Variants in LRCH1 observed in about 807,000 individuals in gnomAD.
The protein encoded by LRCH1 is leucine-rich repeat and calponin homology domain-containing protein 1.
Under a neutral mutation model 94.9 loss-of-function variants are expected in LRCH1, and 23 were observed. The ratio of observed to expected loss-of-function variants is 0.24; its 90% CI spans 0.17 to 0.34. The LOEUF (loss-of-function observed/expected upper bound fraction) is 0.34, where lower values mean the gene tolerates loss of function less well. Ranked by LOEUF, LRCH1 falls within the 10% of genes least tolerant of loss-of-function variation. The probability of loss-of-function intolerance (pLI) is 1.00; values close to 1 mark genes in which losing one functional copy is unlikely to be tolerated. For missense variants in LRCH1, 790 were observed against 945.9 expected (o/e 0.84, Z 2.16); for synonymous variants, 364 against 354.9 (o/e 1.03, Z -0.29).
chr13:46,692,457 T>C (rs1298806811), intron 7 of LRCH1, 79 bp from the exon 8 acceptor site: 3 of 988,476 alleles, frequency 3.0e-6, no homozygotes, highest in Non-Finnish European at 4.7e-6. Flanking sequence ...TCACAGGATG[T>C]TGTTTTATTA....
At position 46,712,568 on chromosome 13, in the gene LRCH1, C is replaced by G. The variant is rs1346011620; in HGVS notation, c.1625C>G (p.Thr542Arg). ...SPAVSPTTNSTAPFGLKPRSD... is the reference protein window; with the variant it reads ...SPAVSPTTNSRAPFGLKPRSD... ...GCAGTCTCTCCTACCACAAACAGCA[C>G]AGCTCCATTTGGCCTGAAGCCTCGA... The change falls in exon 15 of 20, where the codon ACA (threonine) becomes AGA (arginine). Residue 542 changes from threonine (T) to arginine (R), a missense_variant. Physicochemically the swap from Thr to Arg is moderately conservative, Grantham distance 71. Around this residue, in one of 3 missense-constraint regions of LRCH1, gnomAD observed 460 missense variants for 508.9 expected, o/e 0.90. Coordinates refer to ENST00000389797, the MANE Select transcript of LRCH1 (RefSeq NM_001164211.2). 1 of 1,613,880 alleles carries G rather than the reference C, an allele frequency of 6.2e-7. No individual in the cohort carries two copies. Among genetic ancestry groups the G allele is most frequent in the African/African-American group, 1.3e-5 (1 of 74,910 alleles).
intron 9 of LRCH1, among the ~76,000 whole-genome samples, chr13:46,698,122 A>C (rs1871288004): frequency 6.6e-6 from 1 of 152,212 alleles, no homozygotes; most frequent in Admixed American, 6.5e-5. Context: ...AAAAAGTCCA[A>C]GTGTGTTCCC....
At chr13:46,661,571 C>T (rs1566207558) in intron 2 of LRCH1, among the ~76,000 whole-genome samples, 1 of 152,068 alleles carries the variant, frequency 6.6e-6, no homozygotes. Context: ...AAACTTTACT[C>T]TGTGTAAAAA....
chr13:46,685,847 T>G, intron 4 of LRCH1, 58 bp from the exon 5 acceptor site: 1 of 1,248,468 alleles, frequency 8.0e-7, no homozygotes, highest in Middle Eastern at 2.1e-4. Context: ...ATTAGCCATT[T>G]AATCTTATTG....
At chr13:46,653,808 C>G (rs2051337501) in intron 2 of LRCH1, among the ~76,000 whole-genome samples, 1 of 152,040 alleles carries the variant, frequency 6.6e-6, no homozygotes, top group African/African-American at 2.4e-5. Context: ...GGCAACGGAA[C>G]AAGACCCTGT....
At chr13:46,728,306 C>T (rs546737654) in intron 17 of LRCH1, among the ~76,000 whole-genome samples, 1 of 152,136 alleles carries the variant, frequency 6.6e-6, no homozygotes, top group South Asian at 2.1e-4. Flanking sequence ...ACCTCCGCCT[C>T]CTGGGTTCAA....
chr13:46,645,970 T>C (rs1411371606), intron 1 of LRCH1, among the ~76,000 whole-genome samples: 1 of 152,184 alleles, frequency 6.6e-6, no homozygotes, highest in Non-Finnish European at 1.5e-5. Flanking sequence ...CAGTGGAACT[T>C]TCTTTGAGTT....
rs758930953 is a variant in LRCH1 at position 46,681,816 on chromosome 13, A to G, written c.655A>G (p.Arg219Gly). The change falls in exon 4 of 20, where the codon AGA becomes GGA. Residue 219 changes from arginine (R) to glycine (G), a missense_variant. Physicochemically the swap from Arg to Gly is moderately radical, Grantham distance 125. Coordinates refer to ENST00000389797, the MANE Select transcript of LRCH1 (RefSeq NM_001164211.2). Reference sequence around the variant, plus strand: ...GAAATCTCTACGAGAACTGAATGTCAGAAGAAATTACCTTAAAGTTTTACC... The same window carrying G: ...GAAATCTCTACGAGAACTGAATGTCGGAAGAAATTACCTTAAAGTTTTACC... The part of the protein sequence containing the change: ...QLKSLRELNV[R>G]RNYLKVLPQE... 1 of 1,612,964 alleles carries G rather than the reference A, an allele frequency of 6.2e-7. No homozygotes were observed. The highest frequency in any genetic ancestry group is 1.1e-5 in the South Asian group (1 of 91,048).
At chr13:46,570,475 T>C (rs2050229963) in intron 1 of LRCH1, among the ~76,000 whole-genome samples, 1 of 152,186 alleles carries the variant, frequency 6.6e-6, no homozygotes, top group South Asian at 2.1e-4. Context: ...GTCACAGCGC[T>C]GATTAGTGGA....
intron 1 of LRCH1, among the ~76,000 whole-genome samples, chr13:46,601,769 GT>G (rs1343947406): frequency 1.3e-5 from 2 of 152,178 alleles, no homozygotes; most frequent in Non-Finnish European, 1.5e-5. Context: ...GGACCAGGCT[GT>G]TTTTCGTAGG....
At chr13:46,692,930 T>C (rs890962554) in intron 8 of LRCH1, among the ~76,000 whole-genome samples, 1 of 152,046 alleles carries the variant, frequency 6.6e-6, no homozygotes. Flanking sequence ...CGGTACATAG[T>C]AGAACTAATC....
chr13:46,705,545 A>ATT (rs3832915), intron 13 of LRCH1: 66 of 627,470 alleles, frequency 1.1e-4, no homozygotes, highest in South Asian at 4.4e-4. Flanking sequence ...GATTCTGTAG[A>ATT]TTTTTTTACC....
intron 2 of LRCH1, among the ~76,000 whole-genome samples, chr13:46,659,736 AC>A (rs1403648521): frequency 8.5e-5 from 13 of 152,136 alleles, no homozygotes; most frequent in African/African-American, 3.1e-4. Context: ...CAGTTCATTT[AC>A]TTTTGTTCAA....
rs548533966 is a variant in LRCH1 at position 46,619,488 on chromosome 13, G to A, written c.308-30713G>A. On this transcript the variant is annotated intron_variant, in intron 1 of 19. Transcript: ENST00000389797. Reference sequence around the variant, plus strand: ...TTTGAAGCAGTGACCAGGAATTTTCGGGAAATCCATTAAGGAATAAATTAT... The same window carrying A: ...TTTGAAGCAGTGACCAGGAATTTTCAGGAAATCCATTAAGGAATAAATTAT... Among the ~76,000 whole-genome samples, 11 of 152,188 alleles carry A rather than the reference G, an allele frequency of 7.2e-5. No homozygotes were observed. In the East Asian group the frequency reaches 1.7e-3, roughly 24 times the overall value.
chr13:46,575,175 A>G (rs1174323465), intron 1 of LRCH1, among the ~76,000 whole-genome samples: 1 of 152,166 alleles, frequency 6.6e-6, no homozygotes, highest in African/African-American at 2.4e-5. Context: ...CTCTGACCAC[A>G]GGAACAGAGA....
chr13:46,668,572 C>G (rs763213972), intron 2 of LRCH1, among the ~76,000 whole-genome samples: 1 of 152,080 alleles, frequency 6.6e-6, no homozygotes, highest in Non-Finnish European at 1.5e-5. Flanking sequence ...GAAATGATGC[C>G]TGTGTGGTGC....
intron 2 of LRCH1, among the ~76,000 whole-genome samples, chr13:46,653,322 A>C: frequency 6.6e-6 from 1 of 152,158 alleles, no homozygotes; most frequent in East Asian, 1.9e-4. Context: ...TTTGAGACCT[A>C]TTCTCCCATA....
chr13:46,631,115 T>G (rs2051012175), intron 1 of LRCH1, among the ~76,000 whole-genome samples: 1 of 152,230 alleles, frequency 6.6e-6, no homozygotes, highest in South Asian at 2.1e-4. Flanking sequence ...AAAACTGTAA[T>G]TTTGTTTGTT....
chr13:46,748,598 C>T (rs1367164864), downstream of LRCH1, among the ~76,000 whole-genome samples: 2 of 152,090 alleles, frequency 1.3e-5, no homozygotes, highest in African/African-American at 2.4e-5. Context: ...CTCACCATGC[C>T]GCAAAAGGAG....
Sources: gnomAD v4.1 joint callset for allele counts (sites outside exome capture counted in the v4.1 genomes callset) on GRCh38, gnomAD v4.1.1 for gene constraint, gnomAD v4.1.1 regional missense constraint, MANE v1.5 for transcripts, NCBI Gene and HGNC (gene_info 2026-07-23, HGNC 2026-07-21) for gene names.